The following RAPGEF6 variants were observed in gnomAD, a reference collection of about 807,000 sequenced individuals.
RAPGEF6 encodes the protein PDZ domain containing guanine nucleotide exchange factor (GEF) 2.
A neutral mutation model predicts 171.4 loss-of-function variants in RAPGEF6; 56 were observed. The ratio of observed to expected loss-of-function variants is 0.33; its 90% CI spans 0.26 to 0.41. The LOEUF (loss-of-function observed/expected upper bound fraction) is 0.41, where lower values mean the gene tolerates loss of function less well. Among genes scored for constraint, RAPGEF6 ranks in the 10% least tolerant of loss-of-function variants. The probability of loss-of-function intolerance (pLI) is 1.00; values close to 1 mark genes in which losing one functional copy is unlikely to be tolerated. For missense variants in RAPGEF6, 1,674 were observed against 1,921.4 expected, an observed-to-expected ratio of 0.87 and a Z score of 2.41; for synonymous variants, 692 against 650.1, an observed-to-expected ratio of 1.06 and a Z score of -0.98.
chr5:131,531,617 ATAT>A (rs754204737), intron 6 of RAPGEF6, among the ~76,000 whole-genome samples: 46 of 152,188 alleles, frequency 3.0e-4, no homozygotes, highest in East Asian at 1.3e-3. Flanking sequence ...TATTTTCTTC[ATAT>A]TATTTCACTG....
intron 7 of RAPGEF6, among the ~76,000 whole-genome samples, chr5:131,516,237 C>A (rs1439441591): frequency 6.6e-6 from 1 of 151,734 alleles, no homozygotes; most frequent in African/African-American, 2.4e-5. Context: ...TGCGCCACCG[C>A]ACGTGGCTAC....
chr5:131,459,643 C>G (rs1753773015), intron 19 of RAPGEF6, among the ~76,000 whole-genome samples: 2 of 152,106 alleles, frequency 1.3e-5, no homozygotes, highest in African/African-American at 2.4e-5. Context: ...GTGCACTCCA[C>G]AATACAAAGG....
rs755591893 is a variant in RAPGEF6, at chr5:131,427,254, G to A, written c.*12C>T. 8 of 1,607,586 alleles carry A rather than the reference G, an allele frequency of 5.0e-6. No homozygotes were observed. In the African/African-American group the frequency reaches 8.0e-5, roughly 16 times the overall value. On this transcript the variant is annotated 3_prime_UTR_variant, in exon 28 of 28. Coordinates refer to ENST00000509018, the MANE Select transcript of RAPGEF6 (RefSeq NM_016340.6). ...ACGACTTTCAGTGGTTTTCAAATAG[G>A]TCATCCAAAGGCTAGACTGCTGAAA... is the stretch of plus-strand genomic sequence containing the variant.
chr5:131,505,191 T>G (rs1757293975), intron 10 of RAPGEF6, among the ~76,000 whole-genome samples, 173 bp downstream of exon 10: 1 of 152,146 alleles, frequency 6.6e-6, no homozygotes, highest in Admixed American at 6.5e-5. Context: ...ACTTATAGCT[T>G]GTTAAATGCC....
chr5:131,521,362 C>T lies in RAPGEF6; in HGVS notation c.627+28G>A, dbSNP rs56693198. 3.3e-5 allele frequency: 51 copies of T among 1,562,520 alleles called. 1 individual carries two copies. The highest frequency in any genetic ancestry group is 1.9e-4 in the South Asian group (16 of 82,458). On this transcript the variant is annotated intron_variant, in intron 7 of 27. Coordinates refer to ENST00000509018, the MANE Select transcript of RAPGEF6 (RefSeq NM_016340.6). ...ATCTGGCAAATAAAAAAACCATATA[C>T]GCAGCATACAAATTCCTAAGGTATT...
At chr5:131,501,681 C>G (rs1195377189) in intron 11 of RAPGEF6, among the ~76,000 whole-genome samples, 1 of 151,772 alleles carries the variant, frequency 6.6e-6, no homozygotes, top group Non-Finnish European at 1.5e-5. Context: ...TGTTGTTATA[C>G]TGGCATGGTA....
chr5:131,608,156 T>C (rs1764719536), intron 1 of RAPGEF6, among the ~76,000 whole-genome samples: 1 of 152,238 alleles, frequency 6.6e-6, no homozygotes, highest in Admixed American at 6.5e-5. Context: ...CATTTACCTA[T>C]TGGCTATGGC....
chr5:131,568,665 T>C (rs1762094157), intron 4 of RAPGEF6, among the ~76,000 whole-genome samples: 1 of 152,204 alleles, frequency 6.6e-6, no homozygotes, highest in South Asian at 2.1e-4. Flanking sequence ...GATTGCAATA[T>C]GCTTCAGGAA....
At chr5:131,455,049 C>CT (rs1753381430) in intron 20 of RAPGEF6, among the ~76,000 whole-genome samples, 1 of 152,144 alleles carries the variant, frequency 6.6e-6, no homozygotes, top group East Asian at 1.9e-4. Flanking sequence ...CAAACCTGCA[C>CT]TTAAGGAGAA....
At chr5:131,456,595 A>G (rs1020003911) in intron 19 of RAPGEF6, among the ~76,000 whole-genome samples, 5 of 152,236 alleles carry the variant, frequency 3.3e-5, no homozygotes, top group Non-Finnish European at 5.9e-5. Context: ...ACTTGAAAAC[A>G]TAATTCATGC....
At chr5:131,457,123 G>A (rs1484335157) in intron 19 of RAPGEF6, among the ~76,000 whole-genome samples, 1 of 152,122 alleles carries the variant, frequency 6.6e-6, no homozygotes. Context: ...GTGCGGTGGT[G>A]CGATCTCAGC....
Position 131,431,269 on chromosome 5 carries a change from T to C in RAPGEF6, c.4055A>G (p.His1352Arg). 3 of 1,614,204 alleles carry C rather than the reference T, an allele frequency of 1.9e-6. No individual in the cohort carries two copies. Among genetic ancestry groups the C allele is most frequent in the Non-Finnish European group, 2.5e-6 (3 of 1,180,014 alleles). Residue 1352 changes from histidine (H) to arginine (R), a missense_variant, in exon 26 of 28, where the codon CAT (histidine) becomes CGT (arginine). Transcript: ENST00000509018. Reference sequence around the variant, plus strand: ...ACTGTCAGCTGCTTCTATAATGATATGCTCTTGAGAAATCTCTTCATTGCT... The same window carrying C: ...ACTGTCAGCTGCTTCTATAATGATACGCTCTTGAGAAATCTCTTCATTGCT... ...SVSNEEISQE[H>R]IIIEAADSGR...
At chr5:131,446,410 G>A (rs1378839576) in intron 22 of RAPGEF6, 73 bp downstream of exon 22, 1 of 1,369,970 alleles carries the variant, frequency 7.3e-7, no homozygotes, top group Admixed American at 2.2e-5. Flanking sequence ...TGGGACTTAG[G>A]TATAATTCTA....
At chr5:131,627,969 T>C (rs1019400120) in intron 1 of RAPGEF6, among the ~76,000 whole-genome samples, 1 of 152,224 alleles carries the variant, frequency 6.6e-6, no homozygotes, top group African/African-American at 2.4e-5. Context: ...CAAACGTAAC[T>C]GATGTATGTG....
chr5:131,514,394 G>A (rs1043313278), intron 7 of RAPGEF6, among the ~76,000 whole-genome samples: 11 of 146,576 alleles, frequency 7.5e-5, no homozygotes, highest in African/African-American at 2.7e-4. Context: ...TGGGCAGAAA[G>A]TTTAATTCTA....
chr5:131,445,493 C>CTTGTGTGTGTGTGTGTGTGTGTGTGTG (rs1554070849), intron 22 of RAPGEF6, among the ~76,000 whole-genome samples: 5 of 147,224 alleles, frequency 3.4e-5, no homozygotes, highest in African/African-American at 1.3e-4. Context: ...AACTCACTCT[C>CTTGTGTGTGTGTGTGTGTGTGTGTGTG]TGTGTGTGTG....
chr5:131,608,578 C>T (rs1253821215), intron 1 of RAPGEF6, among the ~76,000 whole-genome samples: 1 of 152,168 alleles, frequency 6.6e-6, no homozygotes, highest in African/African-American at 2.4e-5. Context: ...TGGTTTGTCC[C>T]TGCCAAAACT....
intron 1 of RAPGEF6, among the ~76,000 whole-genome samples, chr5:131,615,208 C>T (rs756329487): frequency 1.8e-4 from 28 of 152,116 alleles, no homozygotes; most frequent in Non-Finnish European, 7.4e-5. Flanking sequence ...AATCCTAGTC[C>T]CTTTCTTTGT....
rs1757241335 is a variant in RAPGEF6 at position 131,504,730 on chromosome 5, C to T, written c.1150G>A (p.Glu384Lys). The T allele has an allele frequency of 2.5e-6, 4 of 1,613,602 alleles. No individual in the cohort carries two copies. In the African/African-American group the frequency reaches 5.3e-5, roughly 22 times the overall value. ...TCCTCAACTTTATGGGTATTTTTTT[C>T]CACATGGTTTAAAATTCTCCAATAA... The part of the protein sequence containing the change: ...QDYWRILNHV[E>K]KNTHKVEEEG... Residue 384 changes from glutamate (E) to lysine (K), a missense_variant, in exon 11 of 28, where the codon GAA becomes AAA. Glu to Lys is a moderately conservative substitution (Grantham distance 56). Transcript: ENST00000509018.
Sources: allele counts gnomAD v4.1 joint callset (sites outside exome capture counted in the v4.1 genomes callset), GRCh38; gene constraint gnomAD v4.1.1; transcripts MANE v1.5; gene names NCBI Gene and HGNC (gene_info 2026-07-23, HGNC 2026-07-21).